The following AKAP6 variants were observed in gnomAD, a reference collection of about 807,000 sequenced individuals.
The protein encoded by AKAP6 is A-kinase anchoring protein 6, also known as A-kinase anchor protein 6.
AKAP6 carries 58 observed loss-of-function variants against 188.5 expected under a neutral mutation model. That is an observed-to-expected ratio of 0.31 (90% CI 0.25 to 0.38). The LOEUF (loss-of-function observed/expected upper bound fraction) is 0.38, where lower values mean the gene tolerates loss of function less well. Ranked by LOEUF, AKAP6 falls within the 10% of genes least tolerant of loss-of-function variation. AKAP6 has a pLI of 1.00. For synonymous variants in AKAP6, 989 were observed against 998.6 expected (o/e 0.99, Z 0.18); for missense variants, 2,710 against 2,740.0 (o/e 0.99, Z 0.24).
chr14:32,789,481 ACAGGT>A (rs2033541042), intron 12 of AKAP6, among the ~76,000 whole-genome samples: 1 of 152,200 alleles, frequency 6.6e-6, no homozygotes. Flanking sequence ...TGGGCCGGCA[ACAGGT>A]CAGTACCCTA....
chr14:32,456,001 G>A (rs1433096209), intron 2 of AKAP6, among the ~76,000 whole-genome samples: 1 of 151,422 alleles, frequency 6.6e-6, no homozygotes, highest in Non-Finnish European at 1.5e-5. Flanking sequence ...TTAACCTGGT[G>A]ATTTTTTTAA....
chr14:32,725,036 A>G (rs2030797243), intron 9 of AKAP6, among the ~76,000 whole-genome samples: 1 of 134,324 alleles, frequency 7.4e-6, no homozygotes, highest in South Asian at 2.4e-4. Flanking sequence ...CTGAATAGAC[A>G]GGCTGACAAC....
chr14:32,430,169 T>A (rs373850941), intron 1 of AKAP6, among the ~76,000 whole-genome samples: 29 of 152,288 alleles, frequency 1.9e-4, no homozygotes, highest in Admixed American at 5.2e-4. Flanking sequence ...GCTACACAGC[T>A]CTCAAGATAG....
At chr14:32,776,043 G>A (rs1310321732) in intron 12 of AKAP6, among the ~76,000 whole-genome samples, 1 of 152,220 alleles carries the variant, frequency 6.6e-6, no homozygotes, top group Non-Finnish European at 1.5e-5. Context: ...TTGGTTGAGT[G>A]AAGAGTCCAG....
At chr14:32,478,430 G>A (rs1179433231) in intron 2 of AKAP6, among the ~76,000 whole-genome samples, 3 of 152,216 alleles carry the variant, frequency 2.0e-5, no homozygotes, top group African/African-American at 4.8e-5. Context: ...GAGTCAAGAT[G>A]TGAAGCAGCA....
At chr14:32,690,680 T>A (rs537151202) in intron 8 of AKAP6, among the ~76,000 whole-genome samples, 1 of 152,268 alleles carries the variant, frequency 6.6e-6, no homozygotes, top group South Asian at 2.1e-4. Context: ...ATTTCGCACA[T>A]CTATTTCTCT....
At chr14:32,365,774 A>T (rs1326794599) in intron 1 of AKAP6, among the ~76,000 whole-genome samples, 1 of 152,156 alleles carries the variant, frequency 6.6e-6, no homozygotes, top group South Asian at 2.1e-4. Flanking sequence ...TCCTGGAGGA[A>T]GACCATGCCC....
intron 11 of AKAP6, among the ~76,000 whole-genome samples, chr14:32,746,275 A>G (rs2031906923): frequency 6.6e-6 from 1 of 152,134 alleles, no homozygotes; most frequent in African/African-American, 2.4e-5. Flanking sequence ...GAAATCTGCT[A>G]AGTCTCACCT....
At chr14:32,800,149 T>C (rs1296208958) in intron 12 of AKAP6, among the ~76,000 whole-genome samples, 4 of 117,792 alleles carry the variant, frequency 3.4e-5, no homozygotes, top group Non-Finnish European at 7.4e-5. Context: ...TACACACATA[T>C]ATACATATAT....
intron 7 of AKAP6, among the ~76,000 whole-genome samples, chr14:32,660,201 G>T (rs1377997571): frequency 2.0e-5 from 3 of 152,100 alleles, no homozygotes; most frequent in Non-Finnish European, 4.4e-5. Context: ...TGGCTAGTTA[G>T]TAGATGGAAT....
At chr14:32,425,450 T>C (rs1197883011) in intron 1 of AKAP6, among the ~76,000 whole-genome samples, 1 of 151,622 alleles carries the variant, frequency 6.6e-6, no homozygotes, top group African/African-American at 2.4e-5. Flanking sequence ...ATTAGACAGG[T>C]GTGGTGGTGT....
intron 11 of AKAP6, among the ~76,000 whole-genome samples, chr14:32,737,086 A>G (rs2031462453): frequency 6.6e-6 from 1 of 152,074 alleles, no homozygotes; most frequent in African/African-American, 2.4e-5. Flanking sequence ...CCTAACCTCT[A>G]CTGCAGGGAG....
intron 7 of AKAP6, among the ~76,000 whole-genome samples, chr14:32,669,965 C>T (rs1421618316): frequency 2.0e-5 from 3 of 151,910 alleles, no homozygotes; most frequent in Admixed American, 1.3e-4. Context: ...GGTATGGTGG[C>T]GGATGCCTGT....
At chr14:32,498,054 A>C (rs1244392470) in intron 2 of AKAP6, among the ~76,000 whole-genome samples, 1 of 152,190 alleles carries the variant, frequency 6.6e-6, no homozygotes, top group Non-Finnish European at 1.5e-5. Context: ...TTATTCGATT[A>C]ATCAAGGTAT....
chr14:32,769,477 G>T (rs1256842382), intron 11 of AKAP6, among the ~76,000 whole-genome samples: 1 of 151,802 alleles, frequency 6.6e-6, no homozygotes, highest in Non-Finnish European at 1.5e-5. Context: ...TTGCCACATA[G>T]AAGCCATGCT....
rs576988587 is a variant in AKAP6, at chr14:32,390,882, C to G, written c.-34-42578C>G. Among the ~76,000 whole-genome samples the G allele has an allele frequency of 2.6e-5, 4 of 152,256 alleles. No homozygotes were observed. The South Asian group carries it at 8.3e-4, about 32-fold the overall frequency. Reference sequence around the variant, plus strand: ...AGCCTCCATATGCTGCTCTGTCCATCCAAGTCAGAGCTGCAATCTAGTCCT... The same window carrying G: ...AGCCTCCATATGCTGCTCTGTCCATGCAAGTCAGAGCTGCAATCTAGTCCT... On this transcript the variant is annotated intron_variant, in intron 1 of 13. Transcript: ENST00000280979.
At chr14:32,402,160 A>G (rs1481198772) in intron 1 of AKAP6, 2 of 152,214 alleles carry the variant, frequency 1.3e-5, no homozygotes, top group Non-Finnish European at 2.9e-5. Context: ...AGAACCTCAA[A>G]TCAATTTCTA....
chr14:32,347,813 G>A (rs1423280023), intron 1 of AKAP6, among the ~76,000 whole-genome samples: 2 of 152,202 alleles, frequency 1.3e-5, no homozygotes, highest in Non-Finnish European at 1.5e-5. Context: ...ATAGTCCAAC[G>A]TTAAAAAGTA....
chr14:32,805,560 T>C (rs996735419), intron 12 of AKAP6, among the ~76,000 whole-genome samples: 1 of 152,182 alleles, frequency 6.6e-6, no homozygotes, highest in African/African-American at 2.4e-5. Context: ...TTGAGAAGCA[T>C]TGGTCTAGAA....
Sources: gnomAD v4.1 joint callset for allele counts (sites outside exome capture counted in the v4.1 genomes callset) on GRCh38, gnomAD v4.1.1 for gene constraint, MANE v1.5 for transcripts, NCBI Gene and HGNC (gene_info 2026-07-23, HGNC 2026-07-21) for gene names.